Variants in CACNA2D3 observed in about 807,000 individuals in gnomAD.
The protein encoded by CACNA2D3 is voltage-dependent calcium channel subunit alpha-2/delta-3.
CACNA2D3 carries 60 observed loss-of-function variants against 160.6 expected under a neutral mutation model. That is an observed-to-expected ratio of 0.37 (90% CI 0.30 to 0.46). The LOEUF (loss-of-function observed/expected upper bound fraction) is 0.46. CACNA2D3 is among the 20% of genes least tolerant of loss of function. The pLI is 1.00. For synonymous variants in CACNA2D3, 558 were observed against 492.9 expected (o/e 1.13, Z -1.75); for missense variants, 1,205 against 1,365.0 (o/e 0.88, Z 1.85).
intron 13 of CACNA2D3, among the ~76,000 whole-genome samples, chr3:54,807,265 G>A (rs1703155649): frequency 6.6e-6 from 1 of 152,110 alleles, no homozygotes; most frequent in Non-Finnish European, 1.5e-5. Context: ...GAGTGAACAG[G>A]CGACCTACAA....
chr3:54,695,456 C>G (rs568023406), intron 11 of CACNA2D3, among the ~76,000 whole-genome samples: 18 of 150,844 alleles, frequency 1.2e-4, no homozygotes, highest in African/African-American at 3.7e-4. Flanking sequence ...TGCATACATA[C>G]AAATGCATGA....
At chr3:54,144,236 A>G (rs1699985375) in intron 2 of CACNA2D3, among the ~76,000 whole-genome samples, 2 of 152,204 alleles carry the variant, frequency 1.3e-5, no homozygotes, top group African/African-American at 4.8e-5. Context: ...CTGGCTACAA[A>G]ACATTTCCCC....
intron 35 of CACNA2D3, among the ~76,000 whole-genome samples, chr3:55,071,228 C>T (rs1704797622): frequency 6.6e-6 from 1 of 151,872 alleles, no homozygotes; most frequent in Non-Finnish European, 1.5e-5. Flanking sequence ...CTGTGTCATT[C>T]TGTTTTAGGA....
chr3:54,862,619 T>C (rs1699316875), intron 17 of CACNA2D3, among the ~76,000 whole-genome samples: 1 of 152,114 alleles, frequency 6.6e-6, no homozygotes, highest in Admixed American at 6.5e-5. Context: ...GAAGGCTCTC[T>C]CTGTTCCTCA....
intron 4 of CACNA2D3, among the ~76,000 whole-genome samples, chr3:54,472,749 A>G (rs1472400675): frequency 1.3e-5 from 2 of 152,192 alleles, no homozygotes; most frequent in African/African-American, 4.8e-5. Flanking sequence ...ATAATAGATA[A>G]ACAGAGAGCC....
chr3:54,264,171 G>A (rs1702459577), intron 2 of CACNA2D3, among the ~76,000 whole-genome samples: 1 of 152,178 alleles, frequency 6.6e-6, no homozygotes, highest in Admixed American at 6.5e-5. Flanking sequence ...CCCAGATGTG[G>A]TGGGTGGTGT....
At chr3:54,329,723 G>A (rs1704202655) in intron 3 of CACNA2D3, among the ~76,000 whole-genome samples, 1 of 152,086 alleles carries the variant, frequency 6.6e-6, no homozygotes, top group South Asian at 2.1e-4. Flanking sequence ...ACCATCAAGA[G>A]ATCCAAATGA....
Position 54,816,648 on chromosome 3 carries a change from G to T in CACNA2D3, c.1381-205G>T, listed in dbSNP as rs535482565. ...ATGCTGGAAAGCTCGTAGATTATCT[G>T]TTGATACCACAAATTCAGAAAGCAG... On this transcript the variant is annotated intron_variant, in intron 13 of 37. Coordinates refer to ENST00000474759, the MANE Select transcript of CACNA2D3 (RefSeq NM_018398.3). 1.1e-3 allele frequency among the ~76,000 whole-genome samples: 168 copies of T among 152,246 alleles called. 1 individual carries two copies. Among genetic ancestry groups the T allele is most frequent in the African/African-American group, 3.7e-3 (155 of 41,540 alleles).
intron 27 of CACNA2D3, among the ~76,000 whole-genome samples, chr3:54,922,816 C>G (rs185740274): frequency 6.6e-6 from 1 of 152,164 alleles, no homozygotes; most frequent in Non-Finnish European, 1.5e-5. Flanking sequence ...AACACACTCA[C>G]TCACTCCCCC....
intron 29 of CACNA2D3, among the ~76,000 whole-genome samples, chr3:54,983,172 C>CTA (rs1702543635): frequency 6.6e-6 from 1 of 152,174 alleles, no homozygotes; most frequent in African/African-American, 2.4e-5. Context: ...CTAGTATAAT[C>CTA]TAAGACATTG....
intron 11 of CACNA2D3, among the ~76,000 whole-genome samples, chr3:54,747,334 A>T (rs921872991): frequency 1.3e-5 from 2 of 152,154 alleles, no homozygotes; most frequent in African/African-American, 4.8e-5. Context: ...TGCCCTGGCC[A>T]GAGCCACAGT....
chr3:54,564,531 C>T (rs1235820048), intron 6 of CACNA2D3, among the ~76,000 whole-genome samples: 2 of 152,240 alleles, frequency 1.3e-5, no homozygotes, highest in African/African-American at 4.8e-5. Context: ...GAGCATACCT[C>T]TTGCCTCCTG....
chr3:54,507,675 C>G (rs1701393053), intron 5 of CACNA2D3, among the ~76,000 whole-genome samples: 1 of 152,148 alleles, frequency 6.6e-6, no homozygotes. Context: ...ACAGACTCTT[C>G]AGGAAAGCTA....
chr3:54,865,649 A>T (rs755494079), intron 17 of CACNA2D3, among the ~76,000 whole-genome samples: 6 of 152,248 alleles, frequency 3.9e-5, no homozygotes, highest in Non-Finnish European at 7.3e-5. Flanking sequence ...CCTTAAAGGA[A>T]TAGGGCTATT....
At chr3:55,041,741 G>A (rs998464105) in intron 35 of CACNA2D3, among the ~76,000 whole-genome samples, 1 of 151,280 alleles carries the variant, frequency 6.6e-6, no homozygotes, top group African/African-American at 2.4e-5. Context: ...AGTTTCTTAA[G>A]GTGAAAGCTT....
rs115589728 is a variant in CACNA2D3 at position 54,139,969 on chromosome 3, G to C, written c.204+16375G>C. Among the ~76,000 whole-genome samples, 175 of 152,278 alleles carry C rather than the reference G, an allele frequency of 1.1e-3. 2 individuals carry two copies. Among genetic ancestry groups the C allele is most frequent in the African/African-American group, 4.1e-3 (171 of 41,552 alleles). On this transcript the variant is annotated intron_variant, in intron 2 of 37. Transcript: ENST00000474759. ...TTCCTGAAACCGGAAGCTGGCCGTGGGTTCGAATCCTGGCTCCACCAGTGG... is the reference window on the plus strand; with the variant it reads ...TTCCTGAAACCGGAAGCTGGCCGTGCGTTCGAATCCTGGCTCCACCAGTGG...
intron 13 of CACNA2D3, among the ~76,000 whole-genome samples, chr3:54,809,061 G>A (rs1185360481): frequency 6.6e-6 from 1 of 152,080 alleles, no homozygotes; most frequent in African/African-American, 2.4e-5. Context: ...TTACGGATGA[G>A]ACCTCTAGAG....
At chr3:54,777,676 C>G (rs758094789) in intron 13 of CACNA2D3, among the ~76,000 whole-genome samples, 2 of 152,172 alleles carry the variant, frequency 1.3e-5, no homozygotes, top group Non-Finnish European at 2.9e-5. Context: ...CTGGAGTACT[C>G]ATCCTATAGT....
intron 4 of CACNA2D3, among the ~76,000 whole-genome samples, chr3:54,461,290 T>A (rs1002207073): frequency 1.3e-5 from 2 of 151,180 alleles, no homozygotes; most frequent in African/African-American, 4.9e-5. Flanking sequence ...GCTGGCCTCA[T>A]AAAATGAGTT....
Sources: allele counts gnomAD v4.1 joint callset (sites outside exome capture counted in the v4.1 genomes callset), GRCh38; gene constraint gnomAD v4.1.1; transcripts MANE v1.5; gene names NCBI Gene and HGNC (gene_info 2026-07-23, HGNC 2026-07-21).